The following MATN2 variants were observed in gnomAD, a reference collection of about 807,000 sequenced individuals.
MATN2 encodes matrilin-2.
In MATN2, 69 loss-of-function variants were observed where a neutral mutation model predicts 103.2. That is an observed-to-expected ratio of 0.67 (90% CI 0.55 to 0.82). MATN2 has a LOEUF of 0.82. MATN2 is among the 40% of genes least tolerant of loss of function. The pLI is 0.00. For missense variants in MATN2, 1,023 were observed against 1,211.5 expected, an observed-to-expected ratio of 0.84 and a Z score of 2.31; for synonymous variants, 429 against 450.2, an observed-to-expected ratio of 0.95 and a Z score of 0.60.
chr8:97,996,725 T>G (rs575498190), intron 7 of MATN2, among the ~76,000 whole-genome samples: 103 of 152,184 alleles, frequency 6.8e-4, no homozygotes, highest in Non-Finnish European at 2.6e-4. Context: ...CGGAAGCGAG[T>G]GCTCACTGTC....
At chr8:97,991,721 CAA>C (rs140017044) in intron 6 of MATN2, among the ~76,000 whole-genome samples, 64 of 138,226 alleles carry the variant, frequency 4.6e-4, no homozygotes, top group African/African-American at 1.0e-3. Context: ...GACTCTATCT[CAA>C]AAAAAAAAAA....
chr8:97,959,630 C>T (rs900636313), intron 4 of MATN2, among the ~76,000 whole-genome samples: 1 of 152,082 alleles, frequency 6.6e-6, no homozygotes, highest in Non-Finnish European at 1.5e-5. Context: ...TTTCCATCTA[C>T]TTTATTGATT....
chr8:98,034,368 C>A, intron 18 of MATN2: 1 of 346,966 alleles, frequency 2.9e-6, no homozygotes, highest in South Asian at 2.2e-5. Flanking sequence ...CGTACTAAAG[C>A]TGGCTGATAT....
In MATN2 at chr8:97,934,027, T is replaced by C. The variant is rs182912072; in HGVS notation, c.712+2505T>C. Among the ~76,000 whole-genome samples the C allele has an allele frequency of 5.3e-5, 8 of 152,354 alleles. No homozygotes were observed. The East Asian group carries it at 1.2e-3, about 22-fold the overall frequency. ...GAAAAACAAATAGCCAAGAGATAGT[T>C]GGATGCTAATTCCAAACCTCTTGCT... On this transcript the variant is annotated intron_variant, in intron 3 of 18. Transcript: ENST00000254898.
At chr8:97,966,822 G>A (rs74894353) in intron 5 of MATN2, among the ~76,000 whole-genome samples, 1,770 of 152,300 alleles carry the variant, frequency 0.012, 29 homozygotes, top group African/African-American at 0.04. Context: ...AGTGCTACCT[G>A]AGCTGAAATC....
chr8:98,023,163 T>A (rs2130433669), intron 13 of MATN2, among the ~76,000 whole-genome samples: 1 of 151,312 alleles, frequency 6.6e-6, no homozygotes, highest in Non-Finnish European at 1.5e-5. Context: ...TAATCCCAGC[T>A]ACTTGAGAGG....
intron 6 of MATN2, among the ~76,000 whole-genome samples, chr8:97,992,745 CAAAAAAAA>C (rs58985201): frequency 6.1e-5 from 3 of 49,580 alleles, no homozygotes; most frequent in Admixed American, 2.8e-4. Context: ...GACTCCATCT[CAAAAAAAA>C]AAAAAAAAAA....
At chr8:97,985,452 G>T (rs1292418297) in intron 6 of MATN2, among the ~76,000 whole-genome samples, 7 of 152,048 alleles carry the variant, frequency 4.6e-5, no homozygotes. Flanking sequence ...CACACCTGAA[G>T]CTATATATAT....
At chr8:97,929,169 G>A (rs536362757) in intron 2 of MATN2, among the ~76,000 whole-genome samples, 96 of 152,300 alleles carry the variant, frequency 6.3e-4, no homozygotes, top group African/African-American at 2.1e-3. Flanking sequence ...CATTAGACTT[G>A]TGAGGCGGCA....
At chr8:97,974,926 C>G (rs1586111083) in intron 5 of MATN2, among the ~76,000 whole-genome samples, 2 of 152,328 alleles carry the variant, frequency 1.3e-5, no homozygotes, top group African/African-American at 4.8e-5. Context: ...AACTTCTGAT[C>G]AGTAGGTCTG....
intron 1 of MATN2, among the ~76,000 whole-genome samples, chr8:97,881,171 G>A (rs972717375): frequency 7.2e-5 from 11 of 152,224 alleles, no homozygotes; most frequent in African/African-American, 2.7e-4. Context: ...GGTTACCACT[G>A]GAGAGGGGAT....
intron 5 of MATN2, among the ~76,000 whole-genome samples, chr8:97,962,652 C>T (rs1340478128): frequency 2.6e-5 from 4 of 152,164 alleles, no homozygotes; most frequent in Non-Finnish European, 5.9e-5. Flanking sequence ...GATAGAGTGG[C>T]AGGGTTCCAC....
At chr8:98,011,392 G>A (rs1362843661) in intron 10 of MATN2, among the ~76,000 whole-genome samples, 1 of 152,188 alleles carries the variant, frequency 6.6e-6, no homozygotes, top group African/African-American at 2.4e-5. Context: ...TGATGCAACA[G>A]AAGGAAACTA....
At chr8:98,022,989 G>A (rs1029753668) in intron 13 of MATN2, among the ~76,000 whole-genome samples, 2 of 152,216 alleles carry the variant, frequency 1.3e-5, no homozygotes, top group African/African-American at 4.8e-5. Flanking sequence ...TCAAGAGGCT[G>A]AGGCAGGAGA....
chr8:98,033,690 G>A (rs1367854505), intron 18 of MATN2, 31 bp downstream of exon 18: 3 of 1,354,636 alleles, frequency 2.2e-6, no homozygotes, highest in East Asian at 4.8e-5. Flanking sequence ...GCTTCTGTAT[G>A]GAATGCAAAG....
At position 98,005,534 on chromosome 8, in the gene MATN2, G is replaced by A. The variant is rs893832131; in HGVS notation, c.1328-1571G>A. 3.3e-5 allele frequency among the ~76,000 whole-genome samples: 5 copies of A among 152,140 alleles called. No homozygotes were observed. In the South Asian group the frequency reaches 6.2e-4, roughly 19 times the overall value. ...CGGGGGCCAGAAGAGCTCTAAGAAC[G>A]GACCACAAGAGATCGGGACCCTCCC... On this transcript the variant is annotated intron_variant, in intron 8 of 18. Coordinates refer to ENST00000254898, the MANE Select transcript of MATN2 (RefSeq NM_002380.5). The surrounding 1 kb of genome is among the most constrained non-coding windows in gnomAD (Gnocchi z 4.6).
chr8:98,009,547 G>A (rs1813088410), intron 10 of MATN2, among the ~76,000 whole-genome samples: 1 of 152,210 alleles, frequency 6.6e-6, no homozygotes, highest in Non-Finnish European at 1.5e-5. Context: ...GTGTGGAGGG[G>A]TTCCAGGGGC....
At chr8:97,912,329 A>G (rs1227250413) in intron 2 of MATN2, among the ~76,000 whole-genome samples, 1 of 152,246 alleles carries the variant, frequency 6.6e-6, no homozygotes, top group Non-Finnish European at 1.5e-5. Flanking sequence ...AGCCTGTGAG[A>G]GATTCCTGAA....
intron 4 of MATN2, among the ~76,000 whole-genome samples, chr8:97,959,278 C>T (rs981171038): frequency 1.3e-5 from 2 of 152,210 alleles, no homozygotes; most frequent in African/African-American, 4.8e-5. Flanking sequence ...AGGATACAAG[C>T]TGCGTGACAG....
Sources: allele counts gnomAD v4.1 joint callset (sites outside exome capture counted in the v4.1 genomes callset), GRCh38; gene constraint gnomAD v4.1.1; non-coding constraint Gnocchi (gnomAD v3.1); transcripts MANE v1.5; gene names NCBI Gene and HGNC (gene_info 2026-07-23, HGNC 2026-07-21).